Variants in EBF1 observed in about 807,000 individuals in gnomAD.
The protein encoded by EBF1 is EBF transcription factor 1, also known as transcription factor COE1.
In EBF1, 10 loss-of-function variants were observed where a neutral mutation model predicts 68.4. That is an observed-to-expected ratio of 0.15 (90% CI 0.09 to 0.25). The LOEUF (loss-of-function observed/expected upper bound fraction) is 0.25. Ranked by LOEUF, EBF1 falls within the 10% of genes least tolerant of loss-of-function variation. EBF1 has a pLI of 1.00. For synonymous variants in EBF1, 298 were observed against 299.8 expected (o/e 0.99, Z 0.06); for missense variants, 509 against 794.4 (o/e 0.64, Z 4.32).
At chr5:159,081,934 C>T (rs1779801324) in intron 5 of EBF1, among the ~76,000 whole-genome samples, 1 of 152,246 alleles carries the variant, frequency 6.6e-6, no homozygotes. Context: ...GGCAGAGACT[C>T]TCTCAGAATT....
intron 6 of EBF1, among the ~76,000 whole-genome samples, chr5:159,067,319 T>C (rs1335981418): frequency 6.6e-6 from 1 of 152,202 alleles, no homozygotes; most frequent in Non-Finnish European, 1.5e-5. Flanking sequence ...AAAGTTATGA[T>C]GACATGGGAT....
At chr5:158,844,776 G>A (rs1015969393) in intron 6 of EBF1, among the ~76,000 whole-genome samples, 2 of 152,202 alleles carry the variant, frequency 1.3e-5, no homozygotes, top group Non-Finnish European at 2.9e-5. Flanking sequence ...ACCAAAAGGT[G>A]ACATCCTATT....
intron 6 of EBF1, among the ~76,000 whole-genome samples, chr5:158,920,404 A>C (rs1281094664): frequency 6.6e-6 from 1 of 152,206 alleles, no homozygotes; most frequent in Non-Finnish European, 1.5e-5. Flanking sequence ...AAGGTGAACC[A>C]GAATCTGAAA....
intron 7 of EBF1, among the ~76,000 whole-genome samples, chr5:158,825,636 A>T (rs905380932): frequency 6.6e-6 from 1 of 152,176 alleles, no homozygotes; most frequent in African/African-American, 2.4e-5. Context: ...TTAAGGAAAA[A>T]AAAACTACAC....
intron 6 of EBF1, among the ~76,000 whole-genome samples, chr5:158,947,861 G>A (rs1815120430): frequency 6.6e-6 from 1 of 152,070 alleles, no homozygotes; most frequent in African/African-American, 2.4e-5. Context: ...GAAATGTGGA[G>A]CCCCCTTTTA....
intron 9 of EBF1, among the ~76,000 whole-genome samples, chr5:158,787,681 A>G (rs984455729): frequency 1.3e-5 from 2 of 152,170 alleles, no homozygotes; most frequent in East Asian, 3.9e-4. Context: ...TGTGACCTTC[A>G]GTTTCCTTAT....
chr5:158,974,388 G>A (rs1290666610), intron 6 of EBF1, among the ~76,000 whole-genome samples: 1 of 152,160 alleles, frequency 6.6e-6, no homozygotes, highest in African/African-American at 2.4e-5. Context: ...CCACTTGAGA[G>A]GCATTGCAAA....
At chr5:159,052,151 A>C (rs985230917) in intron 6 of EBF1, among the ~76,000 whole-genome samples, 42 of 152,176 alleles carry the variant, frequency 2.8e-4, no homozygotes, top group South Asian at 2.1e-4. Flanking sequence ...ATAGGAACTA[A>C]ATAACTGCTG....
At chr5:158,835,561 C>A (rs973007382) in intron 7 of EBF1, among the ~76,000 whole-genome samples, 2 of 152,114 alleles carry the variant, frequency 1.3e-5, no homozygotes, top group African/African-American at 4.8e-5. Flanking sequence ...TTTGAAGACC[C>A]CTCTCAGGCT....
chr5:158,873,308 T>C (rs1007714373), intron 6 of EBF1, among the ~76,000 whole-genome samples: 1 of 152,186 alleles, frequency 6.6e-6, no homozygotes, highest in Admixed American at 6.5e-5. Flanking sequence ...TTCTACATCC[T>C]CTTTTTATGC....
At chr5:158,858,905 C>T (rs1043810117) in intron 6 of EBF1, among the ~76,000 whole-genome samples, 3 of 152,060 alleles carry the variant, frequency 2.0e-5, no homozygotes, top group African/African-American at 7.2e-5. Flanking sequence ...GGGTGAGTGA[C>T]AGGGAGACAG....
chr5:158,713,612 G>A (rs1180438215), intron 12 of EBF1, among the ~76,000 whole-genome samples: 1 of 152,184 alleles, frequency 6.6e-6, no homozygotes, highest in African/African-American at 2.4e-5. Flanking sequence ...GCATTACTGA[G>A]TATTAATGGG....
rs555220836 is a variant in EBF1, at chr5:159,048,050, C to A, written c.554+25346G>T. Among the ~76,000 whole-genome samples the A allele has an allele frequency of 9.2e-5, 14 of 152,270 alleles. No homozygotes were observed. In the East Asian group the frequency reaches 2.7e-3, roughly 29 times the overall value. On this transcript the variant is annotated intron_variant, in intron 6 of 15. Coordinates refer to ENST00000313708, the MANE Select transcript of EBF1 (RefSeq NM_024007.5). ...TTTCCACATGCTCCATGTGGAAATA[C>A]CTTATTCTCCAGAGCAAAATCATAA...
intron 8 of EBF1, among the ~76,000 whole-genome samples, chr5:158,812,516 G>A (rs1050665464): frequency 2.0e-5 from 3 of 152,070 alleles, no homozygotes; most frequent in Non-Finnish European, 2.9e-5. Flanking sequence ...AGATGTTAAG[G>A]TTAGAAGGAA....
At chr5:159,076,440 G>A (rs1407180352) in intron 5 of EBF1, among the ~76,000 whole-genome samples, 2 of 152,058 alleles carry the variant, frequency 1.3e-5, no homozygotes, top group Non-Finnish European at 1.5e-5. Flanking sequence ...ACTTAAGCAC[G>A]GTCGTCATCT....
At chr5:158,967,962 C>G (rs998441594) in intron 6 of EBF1, among the ~76,000 whole-genome samples, 3 of 152,130 alleles carry the variant, frequency 2.0e-5, no homozygotes, top group Admixed American at 1.3e-4. Context: ...TTTTGTAAAT[C>G]TAGAAGACCT....
rs1766176230 is a variant in EBF1 at position 159,019,133 on chromosome 5, C to A, written c.554+54263G>T. On this transcript the variant is annotated intron_variant, in intron 6 of 15. Coordinates refer to ENST00000313708, the MANE Select transcript of EBF1 (RefSeq NM_024007.5). ...CCCAAACCAACCATAATTCCCACGA[C>A]CAGAGAAAAGTTTTTAAATGTTTAT... is the stretch of plus-strand genomic sequence containing the variant. 3.9e-5 allele frequency: 6 copies of A among 152,298 alleles called. No individual in the cohort carries two copies. The South Asian group carries it at 1.2e-3, about 32-fold the overall frequency. 9.4% of individuals were successfully genotyped at this position (152,298 alleles called of 1,614,324 possible). A position where few individuals can be genotyped will look rare whatever the true frequency, so the allele number is the denominator to read the frequency against.
At chr5:159,012,241 C>T (rs1309217999) in intron 6 of EBF1, among the ~76,000 whole-genome samples, 2 of 151,174 alleles carry the variant, frequency 1.3e-5, no homozygotes, top group Admixed American at 1.3e-4. Flanking sequence ...GAGCTGAGAT[C>T]GCGCCACTGC....
At chr5:158,973,175 T>C (rs1232879685) in intron 6 of EBF1, among the ~76,000 whole-genome samples, 1 of 152,204 alleles carries the variant, frequency 6.6e-6, no homozygotes, top group Non-Finnish European at 1.5e-5. Context: ...TTCACTCTTT[T>C]ATTTGTGCTA....
Sources: gnomAD v4.1 joint callset for allele counts (sites outside exome capture counted in the v4.1 genomes callset) on GRCh38, gnomAD v4.1.1 for gene constraint, MANE v1.5 for transcripts, NCBI Gene and HGNC (gene_info 2026-07-23, HGNC 2026-07-21) for gene names.